Variants in TMEM163 observed in about 807,000 individuals in gnomAD.
TMEM163 encodes transmembrane protein 163.
In TMEM163, 17 loss-of-function variants were observed where a neutral mutation model predicts 29.3. That is an observed-to-expected ratio of 0.58 (90% CI 0.40 to 0.87). TMEM163 has a LOEUF of 0.87. TMEM163 is among the 40% of genes least tolerant of loss of function. The probability of loss-of-function intolerance (pLI) is 0.00; values close to 1 mark genes in which losing one functional copy is unlikely to be tolerated. For synonymous variants in TMEM163, 157 were observed against 160.6 expected, an observed-to-expected ratio of 0.98 and a Z score of 0.17; for missense variants, 303 against 381.5, an observed-to-expected ratio of 0.79 and a Z score of 1.71.
chr2:134,502,938 G>T lies in TMEM163; in HGVS notation c.518C>A (p.Ala173Asp). 6.2e-7 allele frequency: 1 copy of T among 1,614,006 alleles called. No homozygotes were observed. The highest frequency in any genetic ancestry group is 8.5e-7 in the Non-Finnish European group (1 of 1,179,968). The change falls in exon 5 of 8, where the codon GCC (alanine) becomes GAC (aspartate). Residue 173 changes from alanine (A) to aspartate (D), a missense_variant. This residue lies in a region of TMEM163 where 203 missense variants were observed against 294.3 expected (regional missense o/e 0.69). Transcript: ENST00000281924. ...CAGCCTAGTTGAGAGGTCATGGATGGCTTTGACCACTATACATATGGATGA... is the reference window on the plus strand; with the variant it reads ...CAGCCTAGTTGAGAGGTCATGGATGTCTTTGACCACTATACATATGGATGA... ...LLSSICIVVK[A>D]IHDLSTRLLP...
chr2:134,547,408 A>C (rs1184642437), intron 4 of TMEM163, among the ~76,000 whole-genome samples: 2 of 152,140 alleles, frequency 1.3e-5, no homozygotes. Flanking sequence ...ATTCAAGCTC[A>C]AGATTCATCC....
chr2:134,691,175 C>G (rs1414219851), intron 2 of TMEM163, among the ~76,000 whole-genome samples: 1 of 152,192 alleles, frequency 6.6e-6, no homozygotes, highest in African/African-American at 2.4e-5. Context: ...TTGGGGAGAA[C>G]AGGGGAGAAA....
intron 2 of TMEM163, among the ~76,000 whole-genome samples, chr2:134,674,526 A>AT (rs1684070628): frequency 1.3e-5 from 2 of 148,920 alleles, no homozygotes; most frequent in Non-Finnish European, 3.0e-5. Context: ...TATCTGGCTA[A>AT]TTTTTTGTAT....
intron 2 of TMEM163, among the ~76,000 whole-genome samples, chr2:134,686,591 G>A (rs1340497966): frequency 6.6e-6 from 1 of 152,088 alleles, no homozygotes; most frequent in Non-Finnish European, 1.5e-5. Context: ...CAAAAAGGAG[G>A]TAGAATCATA....
Position 134,488,297 on chromosome 2 carries a change from T to G in TMEM163, c.555+14604A>C, listed in dbSNP as rs151274412. Reference sequence around the variant, plus strand: ...TCAGCCTCCCAAAGTAAAAAGAGATTAACTTTTGAGTCAGTGGACTGGGAG... The same window carrying G: ...TCAGCCTCCCAAAGTAAAAAGAGATGAACTTTTGAGTCAGTGGACTGGGAG... On this transcript the variant is annotated intron_variant, in intron 5 of 7. Coordinates refer to ENST00000281924, the MANE Select transcript of TMEM163 (RefSeq NM_030923.5). Among the ~76,000 whole-genome samples the G allele has an allele frequency of 2.3e-3, 354 of 152,294 alleles. 1 individual carries two copies. The highest frequency in any genetic ancestry group is 8.1e-3 in the African/African-American group (337 of 41,570).
intron 2 of TMEM163, among the ~76,000 whole-genome samples, chr2:134,606,621 C>T (rs1682371871): frequency 6.6e-6 from 1 of 152,190 alleles, no homozygotes; most frequent in Non-Finnish European, 1.5e-5. Context: ...GGCTGTGCCT[C>T]CTGTGTCATC....
intron 5 of TMEM163, among the ~76,000 whole-genome samples, chr2:134,480,963 T>C (rs1687038882): frequency 6.6e-6 from 1 of 152,212 alleles, no homozygotes; most frequent in South Asian, 2.1e-4. Flanking sequence ...ACAGAATATT[T>C]CCATGACCCC....
chr2:134,715,384 C>T (rs1218757949), intron 1 of TMEM163, among the ~76,000 whole-genome samples: 1 of 152,192 alleles, frequency 6.6e-6, no homozygotes, highest in African/African-American at 2.4e-5. Context: ...GCACTTGGGA[C>T]TTCTCAGCAT....
At chr2:134,644,970 A>G (rs578122538) in intron 2 of TMEM163, among the ~76,000 whole-genome samples, 1 of 152,334 alleles carries the variant, frequency 6.6e-6, no homozygotes, top group South Asian at 2.1e-4. Context: ...GAAAAGCCAC[A>G]TTACTAAAAA....
intron 2 of TMEM163, among the ~76,000 whole-genome samples, chr2:134,649,916 G>T (rs1683427298): frequency 1.3e-5 from 2 of 149,456 alleles, no homozygotes; most frequent in Admixed American, 6.8e-5. Context: ...TGAAGTGGGG[G>T]TTCTCTTGAG....
At position 134,551,712 on chromosome 2, in the gene TMEM163, T is replaced by A. The variant is rs532545922; in HGVS notation, c.366+336A>T. ...AGCCCCGATCTTCACTCGCAGCACA[T>A]CTGCCTACACCAGAAAATGCTTTGC... On this transcript the variant is annotated intron_variant, in intron 3 of 7. Transcript: ENST00000281924. Among the ~76,000 whole-genome samples the A allele has an allele frequency of 9.8e-5, 15 of 152,294 alleles. No individual in the cohort carries two copies. The South Asian group carries it at 2.9e-3, about 30-fold the overall frequency.
intron 4 of TMEM163, among the ~76,000 whole-genome samples, chr2:134,516,742 CAT>C (rs10673331): frequency 2.8e-4 from 32 of 113,054 alleles, no homozygotes; most frequent in African/African-American, 9.0e-4. Context: ...CATATATATG[CAT>C]ATATATATGA....
intron 2 of TMEM163, among the ~76,000 whole-genome samples, chr2:134,608,536 G>T (rs368471376): frequency 1.7e-3 from 54 of 31,994 alleles, no homozygotes; most frequent in Non-Finnish European, 2.0e-3. Flanking sequence ...CCCGAGAACT[G>T]TGCTGGTGAA....
chr2:134,533,858 C>T (rs1226528088), intron 4 of TMEM163, among the ~76,000 whole-genome samples: 1 of 152,180 alleles, frequency 6.6e-6, no homozygotes, highest in East Asian at 1.9e-4. Flanking sequence ...TCACCTCAGG[C>T]CCTTTGTTTG....
chr2:134,607,182 A>G (rs1574276473), intron 2 of TMEM163, among the ~76,000 whole-genome samples: 28 of 90,622 alleles, frequency 3.1e-4, no homozygotes, highest in African/African-American at 1.3e-3. Flanking sequence ...ACAGACCCCG[A>G]GAACTGTGCT....
chr2:134,634,316 G>A (rs1683055409), intron 2 of TMEM163, among the ~76,000 whole-genome samples: 1 of 152,070 alleles, frequency 6.6e-6, no homozygotes, highest in Non-Finnish European at 1.5e-5. Context: ...TGAGACAAGG[G>A]ACAAGTTACA....
At chr2:134,684,202 C>A (rs1684307326) in intron 2 of TMEM163, among the ~76,000 whole-genome samples, 1 of 152,094 alleles carries the variant, frequency 6.6e-6, no homozygotes, top group Non-Finnish European at 1.5e-5. Flanking sequence ...ATGATATATA[C>A]CACTCCCCTG....
intron 2 of TMEM163, among the ~76,000 whole-genome samples, chr2:134,633,835 G>A (rs1000309804): frequency 1.3e-4 from 20 of 151,326 alleles, no homozygotes; most frequent in Admixed American, 1.3e-4. Context: ...GGTGGTGTGC[G>A]CCTGCAATCC....
At chr2:134,482,940 C>T (rs1451368905) in intron 5 of TMEM163, among the ~76,000 whole-genome samples, 3 of 151,964 alleles carry the variant, frequency 2.0e-5, no homozygotes, top group Non-Finnish European at 4.4e-5. Flanking sequence ...ATTTTCTGGC[C>T]GGCTGGCCAA....
Sources: gnomAD v4.1 joint callset for allele counts (sites outside exome capture counted in the v4.1 genomes callset) on GRCh38, gnomAD v4.1.1 for gene constraint, gnomAD v4.1.1 regional missense constraint, MANE v1.5 for transcripts, NCBI Gene and HGNC (gene_info 2026-07-23, HGNC 2026-07-21) for gene names.